Variants in RAB33B observed in about 807,000 individuals in gnomAD.
The protein encoded by RAB33B is RAB33B, member RAS oncogene family, also known as ras-related protein Rab-33B.
Under a neutral mutation model 15.0 loss-of-function variants are expected in RAB33B, and 6 were observed. That is an observed-to-expected ratio of 0.40 (90% CI 0.22 to 0.79). RAB33B has a LOEUF of 0.79. Among genes scored for constraint, RAB33B ranks in the 30% least tolerant of loss-of-function variants. The probability of loss-of-function intolerance (pLI) is 0.37; values close to 1 mark genes in which losing one functional copy is unlikely to be tolerated. For synonymous variants in RAB33B, 117 were observed against 108.3 expected (o/e 1.08, Z -0.50); for missense variants, 257 against 296.4 (o/e 0.87, Z 0.98).
At chr4:139,442,006 T>C in the RAB33B span, among the ~76,000 whole-genome samples, 1 of 152,226 alleles carries the variant, frequency 6.6e-6, no homozygotes, top group Non-Finnish European at 1.5e-5. Context: ...GTTCTCATTG[T>C]GATTAATTTC....
intron 1 of RAB33B, among the ~76,000 whole-genome samples, chr4:139,468,538 ATTAT>A (rs1442672242): frequency 6.6e-6 from 1 of 152,200 alleles, no homozygotes; most frequent in Admixed American, 6.5e-5. Context: ...CATCGTAGTT[ATTAT>A]TTTTGATTGG....
intron 1 of RAB33B, among the ~76,000 whole-genome samples, chr4:139,454,724 A>T (rs886139991): frequency 6.6e-6 from 1 of 152,178 alleles, no homozygotes; most frequent in Non-Finnish European, 1.5e-5. Flanking sequence ...TAGTCCGTGG[A>T]CCACACTTTG....
chr4:139,461,201 C>T (rs185521655), intron 1 of RAB33B, among the ~76,000 whole-genome samples: 4 of 152,232 alleles, frequency 2.6e-5, no homozygotes, highest in South Asian at 2.1e-4. Context: ...TGTGGGGGTG[C>T]GAACCTCTGA....
intron 1 of RAB33B, among the ~76,000 whole-genome samples, chr4:139,455,528 T>C (rs1750053098): frequency 1.3e-5 from 2 of 152,142 alleles, no homozygotes; most frequent in South Asian, 4.1e-4. Context: ...CTGCTAATGA[T>C]GGTAGAGGTG....
At chr4:139,464,818 T>C (rs1750250379) in intron 1 of RAB33B, among the ~76,000 whole-genome samples, 1 of 152,246 alleles carries the variant, frequency 6.6e-6, no homozygotes, top group East Asian at 1.9e-4. Flanking sequence ...TTCCAAGTCT[T>C]TGCTGTTGTG....
intron 1 of RAB33B, among the ~76,000 whole-genome samples, chr4:139,459,278 T>C (rs1012946875): frequency 2.6e-5 from 4 of 151,680 alleles, no homozygotes; most frequent in Non-Finnish European, 4.4e-5. Context: ...TTACCAAAAA[T>C]TTAAAAAAAT....
At chr4:139,465,076 C>T (rs910093209) in intron 1 of RAB33B, among the ~76,000 whole-genome samples, 2 of 152,182 alleles carry the variant, frequency 1.3e-5, no homozygotes, top group African/African-American at 4.8e-5. Flanking sequence ...TTAGTGATCG[C>T]CATTCTAACT....
chr4:139,467,812 C>T (rs1368031632), intron 1 of RAB33B, among the ~76,000 whole-genome samples: 4 of 151,342 alleles, frequency 2.6e-5, no homozygotes, highest in African/African-American at 7.3e-5. Flanking sequence ...GAGCTGAGAT[C>T]GTGCTGCTGC....
At chr4:139,465,830 A>C (rs1310141711) in intron 1 of RAB33B, among the ~76,000 whole-genome samples, 1 of 151,516 alleles carries the variant, frequency 6.6e-6, no homozygotes, top group Non-Finnish European at 1.5e-5. Context: ...CCTGGGCTTA[A>C]GCGATCCTCC....
At chr4:139,461,827 C>G (rs1461568307) in intron 1 of RAB33B, among the ~76,000 whole-genome samples, 1 of 151,756 alleles carries the variant, frequency 6.6e-6, no homozygotes, top group East Asian at 1.9e-4. Context: ...TCGCTTGAAC[C>G]TGGGAGGCAG....
upstream of RAB33B, chr4:139,451,363 CTTTTTTTTTTTTTTT>C (rs901731114): frequency 2.8e-5 from 3 of 108,632 alleles, no homozygotes; most frequent in Admixed American, 2.8e-4. Flanking sequence ...ACCACACCCA[CTTTTTTTTTTTTTTT>C]TTTTTTTTTT....
At chr4:139,460,962 T>C (rs1750160768) in intron 1 of RAB33B, among the ~76,000 whole-genome samples, 2 of 152,172 alleles carry the variant, frequency 1.3e-5, no homozygotes, top group African/African-American at 4.8e-5. Flanking sequence ...GAAGGCAGCA[T>C]TGGTGTGTAT....
At chr4:139,458,230 G>A (rs2111071976) in intron 1 of RAB33B, among the ~76,000 whole-genome samples, 1 of 152,192 alleles carries the variant, frequency 6.6e-6, no homozygotes. Flanking sequence ...AGGGTACAGA[G>A]CACTATGATC....
At position 139,472,969 on chromosome 4, in the gene RAB33B, CT is replaced by C. The variant is rs1750419252; in HGVS notation, c.534del (p.Ala179LeufsTer15). The C allele has an allele frequency of 6.2e-7, 1 of 1,614,036 alleles. No individual in the cohort carries two copies. The highest frequency in any genetic ancestry group is 8.5e-7 in the Non-Finnish European group (1 of 1,180,032). The part of the protein sequence containing the change: ...DTHSMPLFET[S>X]AKNPNDNDHV... The stretch of plus-strand genomic sequence containing the variant: ...CACAGTATGCCTTTGTTTGAAACGT[CT>C]GCTAAAAACCCCAATGATAATGACC... On this transcript the variant is annotated frameshift_variant, in exon 2 of 2. Coordinates refer to ENST00000305626, the MANE Select transcript of RAB33B (RefSeq NM_031296.3). LOFTEE classifies it high-confidence loss of function.
At position 139,473,237 on chromosome 4, in the gene RAB33B, T is replaced by C. The variant is rs921556328; in HGVS notation, c.*111T>C. ...ACTATAATGGGTCATCTTGACACTT[T>C]GCTGTTTGTCATTGTCACGCTTTTG... On this transcript the variant is annotated 3_prime_UTR_variant, in exon 2 of 2. Transcript: ENST00000305626. 4.1e-6 allele frequency: 4 copies of C among 973,276 alleles called. No homozygotes were observed. Among genetic ancestry groups the C allele is most frequent in the Non-Finnish European group, 4.4e-6 (3 of 676,878 alleles). 60.3% of individuals were successfully genotyped at this position (973,276 alleles called of 1,614,324 possible). A position where few individuals can be genotyped will look rare whatever the true frequency, so the allele number is the denominator to read the frequency against.
intron 1 of RAB33B, among the ~76,000 whole-genome samples, chr4:139,457,110 T>C (rs1221169579): frequency 6.6e-6 from 1 of 152,240 alleles, no homozygotes; most frequent in Non-Finnish European, 1.5e-5. Flanking sequence ...AATCATGGAC[T>C]AGAAAATTTT....
chr4:139,465,361 T>G (rs1389861452), intron 1 of RAB33B, among the ~76,000 whole-genome samples: 1 of 152,246 alleles, frequency 6.6e-6, no homozygotes, highest in Non-Finnish European at 1.5e-5. Flanking sequence ...CTGATGGTAG[T>G]TTGTTTTGCT....
the RAB33B span, among the ~76,000 whole-genome samples, chr4:139,446,785 G>A: frequency 6.6e-6 from 1 of 152,164 alleles, no homozygotes; most frequent in African/African-American, 2.4e-5. Context: ...ATATGGGCTC[G>A]GGAACATGGA....
intron 1 of RAB33B, among the ~76,000 whole-genome samples, chr4:139,456,321 A>C (rs1468247118): frequency 6.6e-6 from 1 of 152,160 alleles, no homozygotes; most frequent in Non-Finnish European, 1.5e-5. Flanking sequence ...TTCTTTCAAA[A>C]GTGGAGAGAA....
Sources: allele counts gnomAD v4.1 joint callset (sites outside exome capture counted in the v4.1 genomes callset), GRCh38; gene constraint gnomAD v4.1.1; transcripts MANE v1.5; gene names NCBI Gene and HGNC (gene_info 2026-07-23, HGNC 2026-07-21).